Variants in C8orf74 observed in about 807,000 individuals in gnomAD.
C8orf74 encodes the protein chromosome 8 open reading frame 74, also known as uncharacterized protein C8orf74.
C8orf74 carries 29 observed loss-of-function variants against 22.2 expected under a neutral mutation model. The observed-to-expected ratio is 1.31, with a 90% confidence interval of 0.97 to 1.78. C8orf74 has a LOEUF of 1.78. C8orf74 is among the 40% of genes most tolerant of loss of function. The pLI, the probability that C8orf74 is intolerant of heterozygous loss-of-function variation, is 0.00. For synonymous variants in C8orf74, 255 were observed against 163.1 expected (o/e 1.56, Z -4.30); for missense variants, 515 against 369.9 (o/e 1.39, Z -3.22).
Position 10,683,416 on chromosome 8 carries a change from G to A in C8orf74, c.241+8578G>A, listed in dbSNP as rs146557597. Among the ~76,000 whole-genome samples, 48 of 152,326 alleles carry A rather than the reference G, an allele frequency of 3.2e-4. No homozygotes were observed. In the East Asian group the frequency reaches 8.5e-3, roughly 27 times the overall value. ...TTCTCAGGTTCTTCCTCCATCAGCT[G>A]GACTTACTGGTCAGCCTTGGAGCCC... On this transcript the variant is annotated intron_variant, in intron 2 of 3. Transcript: ENST00000304519.
At chr8:10,685,875 C>T (rs1563159278) in intron 2 of C8orf74, among the ~76,000 whole-genome samples, 1 of 152,154 alleles carries the variant, frequency 6.6e-6, no homozygotes, top group Non-Finnish European at 1.5e-5. Context: ...TGAGACCATC[C>T]TGGCTAACAC....
rs61729951 is a variant in C8orf74, at chr8:10,674,678, T to C, written c.81T>C (p.Leu27=). The C allele has an allele frequency of 0.02, 31,688 of 1,610,384 alleles. 392 individuals are homozygous for C. Among genetic ancestry groups the C allele is most frequent in the Non-Finnish European group, 0.023 (26,749 of 1,178,384 alleles). The change falls in exon 2 of 4, where the codon CTT becomes CTC. Residue 27 remains leucine (L), a synonymous_variant. Transcript: ENST00000304519. Reference sequence around the variant, plus strand: ...AAGGTCGGGAGCGCCTGCGGAGGCTTCTGAACTGGGAGGAGTTTGACGAAC... The same window carrying C: ...AAGGTCGGGAGCGCCTGCGGAGGCTCCTGAACTGGGAGGAGTTTGACGAAC... ...RPQGRERLRR[L]LNWEEFDEQR...
rs1563165431 is a variant in C8orf74, at chr8:10,697,700, C to G, written c.343C>G (p.His115Asp). 6.2e-7 allele frequency: 1 copy of G among 1,614,024 alleles called. No individual in the cohort carries two copies. Among genetic ancestry groups the G allele is most frequent in the South Asian group, 1.1e-5 (1 of 91,086 alleles). Residue 115 changes from histidine to aspartate, a missense_variant, in exon 3 of 4, where the codon CAC becomes GAC. Coordinates refer to ENST00000304519, the MANE Select transcript of C8orf74 (RefSeq NM_001040032.2). The part of the protein sequence containing the change: ...THLLALCDYF[H>D]HTFIRHYKLY... ...CCTGCTGGCCCTCTGTGACTACTTCCACCACACCTTCATCCGCCACTACAA... is the reference window on the plus strand; with the variant it reads ...CCTGCTGGCCCTCTGTGACTACTTCGACCACACCTTCATCCGCCACTACAA...
At chr8:10,683,551 G>A (rs1399662202) in intron 2 of C8orf74, among the ~76,000 whole-genome samples, 1 of 152,186 alleles carries the variant, frequency 6.6e-6, no homozygotes, top group Non-Finnish European at 1.5e-5. Flanking sequence ...ATCTCTGGGG[G>A]ATGATGACCA....
intron 2 of C8orf74, chr8:10,690,855 T>A: frequency 2.2e-6 from 1 of 456,120 alleles, no homozygotes; most frequent in South Asian, 1.5e-5. Context: ...CCACTCGTGC[T>A]GCATATCCTC....
intron 2 of C8orf74, 105 bp from the exon 3 acceptor site, chr8:10,697,494 A>T (rs1439124382): frequency 1.1e-6 from 1 of 903,036 alleles, no homozygotes; most frequent in East Asian, 2.4e-5. Flanking sequence ...TGCAGTGGGG[A>T]CATGGGCTCT....
rs187270368 is a variant in C8orf74 at position 10,676,051 on chromosome 8, C to T, written c.241+1213C>T. Among the ~76,000 whole-genome samples the T allele has an allele frequency of 6.0e-4, 92 of 152,194 alleles. 1 individual carries two copies. Among genetic ancestry groups the T allele is most frequent in the African/African-American group, 2.1e-3 (87 of 41,522 alleles). ...GAATGTTCTTGCTTTAGGAGATACA[C>T]GTGAAAGGATGCTTCGGTGGGGTGT... On this transcript the variant is annotated intron_variant, in intron 2 of 3. Coordinates refer to ENST00000304519, the MANE Select transcript of C8orf74 (RefSeq NM_001040032.2).
At position 10,674,765 on chromosome 8, in the gene C8orf74, G is replaced by A. The variant is rs750809103; in HGVS notation, c.168G>A (p.Val56=). ...TCTACGAGAGCATCATCTTTGCAGT[G>A]GGCAAAGGCTTCCCATGGGTGGAGG... The part of the protein sequence containing the change: ...DTLYESIIFA[V]GKGFPWVEVA... The change falls in exon 2 of 4, where the codon GTG becomes GTA. Residue 56 remains valine, a synonymous_variant. Coordinates refer to ENST00000304519, the MANE Select transcript of C8orf74 (RefSeq NM_001040032.2). 1.9e-6 allele frequency: 3 copies of A among 1,607,074 alleles called. No homozygotes were observed. Among genetic ancestry groups the A allele is most frequent in the South Asian group, 2.2e-5 (2 of 89,346 alleles).
Position 10,690,210 on chromosome 8 carries a change from T to A in C8orf74, c.242-7389T>A, listed in dbSNP as rs114666340. Among the ~76,000 whole-genome samples the A allele has an allele frequency of 4.9e-3, 744 of 152,046 alleles. 7 individuals are homozygous for A. The highest frequency in any genetic ancestry group is 0.017 in the African/African-American group (715 of 41,466). ...TCCCTCAGCCTCTTTGAGCCTCAGTTTCTCTCCCGGGAGGAGAGGGGTTGG... is the reference window on the plus strand; with the variant it reads ...TCCCTCAGCCTCTTTGAGCCTCAGTATCTCTCCCGGGAGGAGAGGGGTTGG... On this transcript the variant is annotated intron_variant, in intron 2 of 3. Coordinates refer to ENST00000304519, the MANE Select transcript of C8orf74 (RefSeq NM_001040032.2).
Position 10,700,367 on chromosome 8 carries a change from G to GCCCCC in C8orf74, c.782_786dup (p.Thr263ProfsTer19). On this transcript the variant is annotated frameshift_variant, in exon 4 of 4. Transcript: ENST00000304519. LOFTEE classifies it low-confidence loss of function (END_TRUNC). ...TCAGAAGAAGACTCTGAACCTCAAC[G>GCCCCC]CCCCCACCCCTATCCCGCCCCCCAT... 2 of 1,590,938 alleles carry GCCCCC rather than the reference G, an allele frequency of 1.3e-6. No homozygotes were observed. Among genetic ancestry groups the GCCCCC allele is most frequent in the Non-Finnish European group, 1.7e-6 (2 of 1,159,766 alleles).
chr8:10,691,065 T>A, intron 2 of C8orf74: 1 of 400,032 alleles, frequency 2.5e-6, no homozygotes, highest in Admixed American at 2.6e-5. Context: ...GCCCAGGGAG[T>A]GTGGTCCGAG....
chr8:10,692,813 T>G (rs1019560300), intron 2 of C8orf74: 1 of 152,214 alleles, frequency 6.6e-6, no homozygotes, highest in African/African-American at 2.4e-5. Flanking sequence ...AAGTCTCTCC[T>G]TCTCTGCAGA....
intron 2 of C8orf74, among the ~76,000 whole-genome samples, chr8:10,677,709 G>A (rs1799062628): frequency 6.6e-6 from 1 of 151,844 alleles, no homozygotes; most frequent in South Asian, 2.1e-4. Flanking sequence ...TTAACATACG[G>A]CATCTGGATT....
At chr8:10,687,008 G>C (rs1238240787) in intron 2 of C8orf74, 2 of 438,088 alleles carry the variant, frequency 4.6e-6, no homozygotes, top group African/African-American at 2.0e-5. Context: ...CCGCCAAGAA[G>C]GGATTAGATT....
At chr8:10,675,921 T>C (rs1055299457) in intron 2 of C8orf74, 1 of 152,232 alleles carries the variant, frequency 6.6e-6, no homozygotes, top group Non-Finnish European at 1.5e-5. Flanking sequence ...CTTTTTGCTA[T>C]GAATGAGGTT....
chr8:10,687,615 CAAAAAAAAAAA>C (rs374455264), intron 2 of C8orf74, among the ~76,000 whole-genome samples: 2 of 53,076 alleles, frequency 3.8e-5, no homozygotes, highest in South Asian at 8.2e-4. Flanking sequence ...GACTCCATCT[CAAAAAAAAAAA>C]AAAAAAAAAA....
intron 2 of C8orf74, among the ~76,000 whole-genome samples, chr8:10,685,133 C>T (rs1328333735): frequency 6.6e-6 from 1 of 152,212 alleles, no homozygotes; most frequent in Non-Finnish European, 1.5e-5. Flanking sequence ...CGGTTGACCA[C>T]AGGTTACTAA....
At chr8:10,686,243 T>A (rs535054136) in intron 2 of C8orf74, among the ~76,000 whole-genome samples, 1 of 152,342 alleles carries the variant, frequency 6.6e-6, no homozygotes, top group South Asian at 2.1e-4. Flanking sequence ...TCCTTGGAGT[T>A]GGAGGATCTG....
intron 2 of C8orf74, chr8:10,689,825 C>G (rs1799336340): frequency 6.6e-6 from 1 of 152,112 alleles, no homozygotes; most frequent in African/African-American, 2.4e-5. Flanking sequence ...TGGATTATCA[C>G]CAAGGCCACT....
Sources: allele counts gnomAD v4.1 joint callset (sites outside exome capture counted in the v4.1 genomes callset), GRCh38; gene constraint gnomAD v4.1.1; transcripts MANE v1.5; gene names NCBI Gene and HGNC (gene_info 2026-07-23, HGNC 2026-07-21).